The following NCS1 variants were observed in gnomAD, a reference collection of about 807,000 sequenced individuals.
NCS1 encodes neuronal calcium sensor 1, also known as frequenin homolog.
A neutral mutation model predicts 28.4 loss-of-function variants in NCS1; 6 were observed. The ratio of observed to expected loss-of-function variants is 0.21; its 90% CI spans 0.12 to 0.42. NCS1 has a LOEUF of 0.42. Among genes scored for constraint, NCS1 ranks in the 10% least tolerant of loss-of-function variants. The pLI, the probability that NCS1 is intolerant of heterozygous loss-of-function variation, is 1.00. For synonymous variants in NCS1, 86 were observed against 99.3 expected (o/e 0.87, Z 0.79); for missense variants, 131 against 241.4 (o/e 0.54, Z 3.03).
intron 1 of NCS1, among the ~76,000 whole-genome samples, chr9:130,182,696 A>T (rs1031939237): frequency 3.3e-5 from 5 of 152,094 alleles, no homozygotes. Context: ...CGCTGGGCTG[A>T]TCTCAATGGT....
rs1564700759 is a variant in NCS1, at chr9:130,176,177, TCTTTCTTTCTTTC to T, written c.64+3451_64+3463del. Among the ~76,000 whole-genome samples, 8 of 68,678 alleles carry T rather than the reference TCTTTCTTTCTTTC, an allele frequency of 1.2e-4. No homozygotes were observed. The East Asian group carries it at 4.6e-3, about 40-fold the overall frequency. The allele number at this position is 68,678 out of a possible 152,430, so 45.1% of individuals were successfully genotyped here. A position where few individuals can be genotyped will look rare whatever the true frequency, so the allele number is the denominator to read the frequency against. On this transcript the variant is annotated intron_variant, in intron 1 of 7. Coordinates refer to ENST00000372398, the MANE Select transcript of NCS1 (RefSeq NM_014286.4). ...TTCTTTCTTTCTTTCTTTCTTTCTT[TCTTTCTTTCTTTC>T]TTTCTTTTTTTTTTTTTTTGGAGAC...
At chr9:130,220,809 C>G (rs1218312643) in intron 4 of NCS1, among the ~76,000 whole-genome samples, 4 of 150,330 alleles carry the variant, frequency 2.7e-5, no homozygotes, top group African/African-American at 9.8e-5. Flanking sequence ...AGCTCCTCCT[C>G]TCAATGCACT....
In NCS1 at chr9:130,191,768, G is replaced by C. The variant is rs985411717; in HGVS notation, c.65-9190G>C. The stretch of plus-strand genomic sequence containing the variant: ...TGCACATGGCGGTCTGATGGCCCTG[G>C]TGGGCAGCCTGCTTGGAAGGGGCAG... On this transcript the variant is annotated intron_variant, in intron 1 of 7. Transcript: ENST00000372398. The surrounding 1 kb of genome is among the most constrained non-coding windows in gnomAD (Gnocchi z 6.4). Among the ~76,000 whole-genome samples, 2 of 152,266 alleles carry C rather than the reference G, an allele frequency of 1.3e-5. No homozygotes were observed. The highest frequency in any genetic ancestry group is 4.8e-5 in the African/African-American group (2 of 41,474).
chr9:130,179,303 A>G (rs995483086), intron 1 of NCS1, among the ~76,000 whole-genome samples: 4 of 152,072 alleles, frequency 2.6e-5, no homozygotes, highest in African/African-American at 9.7e-5. Context: ...AAACCTGACC[A>G]TTCTGAATGT....
At chr9:130,222,272 A>C (rs1554910678) in intron 4 of NCS1, among the ~76,000 whole-genome samples, 1 of 151,354 alleles carries the variant, frequency 6.6e-6, no homozygotes, top group Non-Finnish European at 1.5e-5. Flanking sequence ...CTCCCACCTC[A>C]ACCTCCCAAG....
At chr9:130,211,000 G>A (rs1252946040) in intron 2 of NCS1, among the ~76,000 whole-genome samples, 17 of 139,060 alleles carry the variant, frequency 1.2e-4, no homozygotes, top group Admixed American at 4.6e-4. Flanking sequence ...CACTGTGCCC[G>A]GCTCCACTAA....
Position 130,226,512 on chromosome 9 carries a change from C to A in NCS1, c.*17+8C>A. 6.3e-7 allele frequency: 1 copy of A among 1,595,628 alleles called. No homozygotes were observed. Among genetic ancestry groups the A allele is most frequent in the Non-Finnish European group, 8.6e-7 (1 of 1,166,500 alleles). On this transcript the variant is annotated splice_region_variant and intron_variant, in intron 7 of 7. Coordinates refer to ENST00000372398, the MANE Select transcript of NCS1 (RefSeq NM_014286.4). The surrounding 1 kb of genome is among the most constrained non-coding windows in gnomAD (Gnocchi z 4.8). ...GTCCCAGGCTGGAGCTGGGTGAGTG[C>A]AGACTCGGGGCCTGGGGTGGGTCTG...
chr9:130,222,522 G>GT, intron 4 of NCS1, 128 bp from the exon 5 acceptor site: 2 of 736,346 alleles, frequency 2.7e-6, no homozygotes, highest in South Asian at 2.9e-5. Context: ...GTAAATATTA[G>GT]TTGACCTGAT....
rs1035819318 is a variant in NCS1, at chr9:130,219,591, C to T, written c.229-134C>T. On this transcript the variant is annotated intron_variant, in intron 3 of 7. Coordinates refer to ENST00000372398, the MANE Select transcript of NCS1 (RefSeq NM_014286.4). This position sits in a 1 kb window ranked among gnomAD's most constrained non-coding sequence, Gnocchi z 5.7. ...CCTCTCGCCCCCCATTCCTTCGAGC[C>T]TGCCCTCTCCACCTGAGTGTCCATT... is the stretch of plus-strand genomic sequence containing the variant. 1.2e-5 allele frequency: 9 copies of T among 779,570 alleles called. No homozygotes were observed. The highest frequency in any genetic ancestry group is 1.8e-5 in the Non-Finnish European group (8 of 456,522). 48.3% of individuals were successfully genotyped at this position (779,570 alleles called of 1,614,324 possible). A position where few individuals can be genotyped will look rare whatever the true frequency, so the allele number is the denominator to read the frequency against.
intron 2 of NCS1, 95 bp from the exon 3 acceptor site, chr9:130,217,737 C>T: frequency 6.3e-7 from 1 of 1,579,120 alleles, no homozygotes; most frequent in African/African-American, 1.3e-5. Flanking sequence ...AACAAGGAGC[C>T]ACAGCTTTCC....
rs1245332224 is a variant in NCS1, at chr9:130,209,460, G to A, written c.90-8372G>A. Among the ~76,000 whole-genome samples the A allele has an allele frequency of 6.6e-6, 1 of 152,220 alleles. No individual in the cohort carries two copies. The highest frequency in any genetic ancestry group is 1.5e-5 in the Non-Finnish European group (1 of 68,042). On this transcript the variant is annotated intron_variant, in intron 2 of 7. Transcript: ENST00000372398. The surrounding 1 kb of genome is among the most constrained non-coding windows in gnomAD (Gnocchi z 4.4). ...GGAGTTGGACCCGTGTGTCCTGGGA[G>A]CATTCAATCATTGGTTCATTTGTTC...
At chr9:130,227,211 G>T (rs1554911522) in intron 7 of NCS1, among the ~76,000 whole-genome samples, 1 of 152,198 alleles carries the variant, frequency 6.6e-6, no homozygotes, top group Non-Finnish European at 1.5e-5. Context: ...ACGCCTGGCA[G>T]AGGCCCCTGT....
intron 1 of NCS1, chr9:130,200,361 G>A (rs1020225324): frequency 4.0e-4 from 233 of 576,526 alleles, no homozygotes; most frequent in Non-Finnish European, 1.1e-4. Flanking sequence ...AGGCTCAGCC[G>A]CTCTCTGTAG....
chr9:130,208,748 G>T (rs989242457), intron 2 of NCS1, among the ~76,000 whole-genome samples: 1 of 152,350 alleles, frequency 6.6e-6, no homozygotes, highest in Non-Finnish European at 1.5e-5. Flanking sequence ...CACACTGGGG[G>T]CTTTCCTGCG....
rs1429486994 is a variant in NCS1, at chr9:130,209,336, C to T, written c.89+8354C>T. On this transcript the variant is annotated intron_variant, in intron 2 of 7. Transcript: ENST00000372398. The surrounding 1 kb of genome is among the most constrained non-coding windows in gnomAD (Gnocchi z 4.4). Reference sequence around the variant, plus strand: ...ATGAGTCTGCAGGAACTGAGAGTGGCAAATTCGGGGGAAGTCCTAGAGGAC... The same window carrying T: ...ATGAGTCTGCAGGAACTGAGAGTGGTAAATTCGGGGGAAGTCCTAGAGGAC... Among the ~76,000 whole-genome samples, 1 of 152,176 alleles carries T rather than the reference C, an allele frequency of 6.6e-6. No individual in the cohort carries two copies. Among genetic ancestry groups the T allele is most frequent in the Non-Finnish European group, 1.5e-5 (1 of 68,040 alleles).
intron 2 of NCS1, among the ~76,000 whole-genome samples, chr9:130,207,316 G>A (rs1191816375): frequency 6.6e-6 from 1 of 152,216 alleles, no homozygotes; most frequent in Non-Finnish European, 1.5e-5. Context: ...CGCCCACAGG[G>A]CTCCCTGAGG....
intron 1 of NCS1, chr9:130,200,565 G>A: frequency 6.4e-7 from 1 of 1,551,670 alleles, no homozygotes; most frequent in South Asian, 1.2e-5. Flanking sequence ...GGGGAAGCCA[G>A]GGCCTTCCCT....
rs1454547324 is a variant in NCS1 at position 130,175,673 on chromosome 9, G to T, written c.64+2946G>T. ...TTGGTGGGCGTCTCTGGCTCTGTCTGTGGTGGTCTGTGTGTGTGAGGAAGC... is the reference window on the plus strand; with the variant it reads ...TTGGTGGGCGTCTCTGGCTCTGTCTTTGGTGGTCTGTGTGTGTGAGGAAGC... On this transcript the variant is annotated intron_variant, in intron 1 of 7. Coordinates refer to ENST00000372398, the MANE Select transcript of NCS1 (RefSeq NM_014286.4). The surrounding 1 kb of genome is among the most constrained non-coding windows in gnomAD (Gnocchi z 4.9). 6.6e-6 allele frequency among the ~76,000 whole-genome samples: 1 copy of T among 152,198 alleles called. No homozygotes were observed. The highest frequency in any genetic ancestry group is 1.5e-5 in the Non-Finnish European group (1 of 68,044).
rs1410417772 is a variant in NCS1, at chr9:130,191,884, A to T, written c.65-9074A>T. On this transcript the variant is annotated intron_variant, in intron 1 of 7. Transcript: ENST00000372398. The surrounding 1 kb of genome is among the most constrained non-coding windows in gnomAD (Gnocchi z 6.4). ...GACCAGTCCTGGCTGGCACTCAGCG[A>T]ACTGGGGTGGAGACAGTGACTGCCA... Among the ~76,000 whole-genome samples the T allele has an allele frequency of 3.9e-5, 6 of 152,208 alleles. No individual in the cohort carries two copies. Among genetic ancestry groups the T allele is most frequent in the Admixed American group, 3.3e-4 (5 of 15,286 alleles).
Sources: allele counts gnomAD v4.1 joint callset (sites outside exome capture counted in the v4.1 genomes callset), GRCh38; gene constraint gnomAD v4.1.1; non-coding constraint Gnocchi (gnomAD v3.1); transcripts MANE v1.5; gene names NCBI Gene and HGNC (gene_info 2026-07-23, HGNC 2026-07-21).